The following AMBP variants were observed in gnomAD, a reference collection of about 807,000 sequenced individuals.
The protein encoded by AMBP is alpha-1-microglobulin/bikunin precursor, also known as protein AMBP.
In AMBP, 37 loss-of-function variants were observed where a neutral mutation model predicts 46.3. The observed-to-expected ratio is 0.80, with a 90% CI of 0.61 to 1.05. The LOEUF (loss-of-function observed/expected upper bound fraction) is 1.05, where lower values mean the gene tolerates loss of function less well. Among genes scored for constraint, AMBP ranks in the 50% least tolerant of loss-of-function variants. The probability of loss-of-function intolerance (pLI) is 0.00; values close to 1 mark genes in which losing one functional copy is unlikely to be tolerated. For synonymous variants in AMBP, 174 were observed against 175.9 expected (o/e 0.99, Z 0.09); for missense variants, 475 against 461.2 (o/e 1.03, Z -0.27).
chr9:114,075,083 T>C, intron 2 of AMBP, 47 bp from the exon 3 acceptor site: 1 of 1,520,158 alleles, frequency 6.6e-7, no homozygotes, highest in Non-Finnish European at 9.1e-7. Context: ...GTAGAGATCA[T>C]GGTCCTGACA....
chr9:114,062,568 C>G, intron 7 of AMBP, 109 bp downstream of exon 7: 1 of 1,131,464 alleles, frequency 8.8e-7, no homozygotes, highest in Non-Finnish European at 1.3e-6. Context: ...GCCCTTGAGT[C>G]TCTAACAGAT....
intron 8 of AMBP, 30 bp from the exon 9 acceptor site, chr9:114,061,128 A>C: frequency 3.7e-6 from 6 of 1,609,938 alleles, no homozygotes; most frequent in Non-Finnish European, 5.1e-6. Flanking sequence ...ATGGAACTTG[A>C]GAAACCCTTG....
rs546906283 is a variant in AMBP at position 114,074,301 on chromosome 9, A to C, written c.338-149T>G. The C allele has an allele frequency of 1.2e-5, 8 of 646,466 alleles. No individual in the cohort carries two copies. The South Asian group carries it at 1.3e-4, about 11-fold the overall frequency. 40.0% of individuals were successfully genotyped at this position (646,466 alleles called of 1,614,324 possible). A position where few individuals can be genotyped will look rare whatever the true frequency, so the allele number is the denominator to read the frequency against. The stretch of plus-strand genomic sequence containing the variant: ...CATATCTCCATTTATCAATTCATCC[A>C]TATTCAATCTCTCCCTATCCACCCA... On this transcript the variant is annotated intron_variant, in intron 3 of 9. Coordinates refer to ENST00000265132, the MANE Select transcript of AMBP (RefSeq NM_001633.4).
intron 9 of AMBP, among the ~76,000 whole-genome samples, chr9:114,060,503 A>G (rs1269562709): frequency 6.6e-6 from 1 of 152,122 alleles, no homozygotes; most frequent in African/African-American, 2.4e-5. Context: ...CTGGAATGCT[A>G]TTACTGTTAC....
At chr9:114,067,375 C>G (rs1262826891) in intron 6 of AMBP, among the ~76,000 whole-genome samples, 1 of 152,134 alleles carries the variant, frequency 6.6e-6, no homozygotes. Context: ...TTTGCTGGGA[C>G]TACAAGTGCC....
chr9:114,076,789 A>T, intron 1 of AMBP, 49 bp from the exon 2 acceptor site: 1 of 1,595,908 alleles, frequency 6.3e-7, no homozygotes, highest in Non-Finnish European at 8.6e-7. Context: ...CAGACCTCAA[A>T]GCAGACCTGG....
Position 114,075,034 on chromosome 9 carries a change from T to C in AMBP, c.263A>G (p.Lys88Arg). The C allele has an allele frequency of 6.2e-7, 1 of 1,613,906 alleles. No individual in the cohort carries two copies. Among genetic ancestry groups the C allele is most frequent in the Non-Finnish European group, 8.5e-7 (1 of 1,179,824 alleles). Reference sequence around the variant, plus strand: ...TCCAGACGTCTCCTCACAGACACCTTTCCTAGAAATGAACAAATCAAAAGG... The same window carrying C: ...TCCAGACGTCTCCTCACAGACACCTCTCCTAGAAATGAACAAATCAAAAGG... Reference protein sequence around the residue: ...EISMTSTRWRKGVCEETSGAY... With the variant: ...EISMTSTRWRRGVCEETSGAY... Residue 88 changes from lysine (K) to arginine (R), a missense_variant and splice_region_variant, in exon 3 of 10, where the codon AAA (lysine) becomes AGA (arginine). Lys to Arg is a conservative substitution (Grantham distance 26, BLOSUM62 2). Coordinates refer to ENST00000265132, the MANE Select transcript of AMBP (RefSeq NM_001633.4).
At chr9:114,066,306 G>C (rs1005481522) in intron 6 of AMBP, among the ~76,000 whole-genome samples, 3 of 152,002 alleles carry the variant, frequency 2.0e-5, no homozygotes, top group Admixed American at 6.5e-5. Flanking sequence ...CAGAACTCAA[G>C]AAACAGAAGG....
chr9:114,078,170 A>C lies in AMBP; in HGVS notation c.40T>G (p.Cys14Gly). The change falls in exon 1 of 10, where the codon TGC becomes GGC. Residue 14 changes from cysteine (C) to glycine (G), a missense_variant. Around this residue, in one of 3 missense-constraint regions of AMBP, gnomAD observed 179 missense variants for 167.4 expected, o/e 1.07. Coordinates refer to ENST00000265132, the MANE Select transcript of AMBP (RefSeq NM_001633.4). ...LGALLLLLSA[C>G]LAVSAGPVPT... is the part of the protein sequence containing the mutation. ...ACAGGGCCAGCGCTCACCGCCAGGC[A>C]GGCGCTCAGCAGCAAGAGCAGGGCC... 1 of 1,613,438 alleles carries C rather than the reference A, an allele frequency of 6.2e-7. No individual in the cohort carries two copies. The highest frequency in any genetic ancestry group is 8.5e-7 in the Non-Finnish European group (1 of 1,180,022).
chr9:114,062,516 C>CT (rs1334698179), intron 7 of AMBP, among the ~76,000 whole-genome samples, 161 bp downstream of exon 7: 1 of 152,238 alleles, frequency 6.6e-6, no homozygotes, highest in Non-Finnish European at 1.5e-5. Context: ...CCCACAACCC[C>CT]TGGCAGAGTG....
At position 114,064,705 on chromosome 9, in the gene AMBP, T is replaced by C. The variant is rs536617096; in HGVS notation, c.604-1947A>G. Among the ~76,000 whole-genome samples the C allele has an allele frequency of 2.1e-4, 32 of 151,032 alleles. No homozygotes were observed. The South Asian group carries it at 6.3e-3, about 30-fold the overall frequency. On this transcript the variant is annotated intron_variant, in intron 6 of 9. Transcript: ENST00000265132. ...TAAAAGCATAGCCCCAGCCCCCAAATTGTCATCAGTGTCACTCAAGGAAAG... is the reference window on the plus strand; with the variant it reads ...TAAAAGCATAGCCCCAGCCCCCAAACTGTCATCAGTGTCACTCAAGGAAAG...
intron 3 of AMBP, among the ~76,000 whole-genome samples, 152 bp downstream of exon 3, chr9:114,074,805 AAGG>A (rs1027767683): frequency 5.9e-5 from 9 of 151,702 alleles, no homozygotes; most frequent in African/African-American, 2.2e-4. Flanking sequence ...AGAGGAGGAG[AAGG>A]AGGAGGAGGA....
In AMBP at chr9:114,075,075, A is replaced by G. The variant is rs79644634; in HGVS notation, c.261-39T>C. ...AATCAAAAGGAAGGTCACTCCTGGT[A>G]GAGATCATGGTCCTGACACTCAACC... On this transcript the variant is annotated intron_variant, in intron 2 of 9. Coordinates refer to ENST00000265132, the MANE Select transcript of AMBP (RefSeq NM_001633.4). 9.4e-4 allele frequency: 1,482 copies of G among 1,570,138 alleles called. 5 individuals are homozygous for G. The highest frequency in any genetic ancestry group is 1.2e-3 in the Non-Finnish European group (1,404 of 1,140,324).
rs114059318 is a variant in AMBP at position 114,076,201 on chromosome 9, T to C, written c.260+397A>G. Among the ~76,000 whole-genome samples, 422 of 151,524 alleles carry C rather than the reference T, an allele frequency of 2.8e-3. 1 individual carries two copies. The highest frequency in any genetic ancestry group is 9.4e-3 in the African/African-American group (389 of 41,242). ...CAACCAGGAAAGAAAGGGAGGTGGC[T>C]TGGACCAGGATGGTGGCAGTGGAGA... On this transcript the variant is annotated intron_variant, in intron 2 of 9. Transcript: ENST00000265132.
rs1384692320 is a variant in AMBP at position 114,076,589 on chromosome 9, A to G, written c.260+9T>C. ...TCTCTCAGCTTTCCAGCCCCACCCTAGTGCTCACCGCCAACGAGTGCTGGT... is the reference window on the plus strand; with the variant it reads ...TCTCTCAGCTTTCCAGCCCCACCCTGGTGCTCACCGCCAACGAGTGCTGGT... On this transcript the variant is annotated intron_variant, in intron 2 of 9. Transcript: ENST00000265132. 1.9e-6 allele frequency: 3 copies of G among 1,612,910 alleles called. No homozygotes were observed. In the South Asian group the frequency reaches 3.3e-5, roughly 18 times the overall value.
At chr9:114,074,272 C>T (rs1156362949) in intron 3 of AMBP, 120 bp from the exon 4 acceptor site, 1 of 712,048 alleles carries the variant, frequency 1.4e-6, no homozygotes, top group Non-Finnish European at 2.5e-6. Context: ...CCACCCATGC[C>T]TTCCATATCT....
At chr9:114,069,077 T>TAC (rs1255454920) in intron 6 of AMBP, among the ~76,000 whole-genome samples, 1 of 151,910 alleles carries the variant, frequency 6.6e-6, no homozygotes, top group African/African-American at 2.4e-5. Flanking sequence ...CATATATATA[T>TAC]ACACACACAG....
chr9:114,061,047 A>C lies in AMBP; in HGVS notation c.905T>G (p.Leu302Arg). 3.7e-6 allele frequency: 6 copies of C among 1,614,208 alleles called. No homozygotes were observed. Among genetic ancestry groups the C allele is most frequent in the Non-Finnish European group, 5.1e-6 (6 of 1,180,030 alleles). The change falls in exon 9 of 10, where the codon CTC (leucine) becomes CGC (arginine). Residue 302 changes from leucine to arginine, a missense_variant. Leu to Arg is a moderately radical substitution (Grantham distance 102). This residue lies in a region of AMBP where 293 missense variants were observed against 276.9 expected (regional missense o/e 1.06). Coordinates refer to ENST00000265132, the MANE Select transcript of AMBP (RefSeq NM_001633.4). Reference protein sequence around the residue: ...VRGPCRAFIQLWAFDAVKGKC... With the variant: ...VRGPCRAFIQRWAFDAVKGKC... ...CCCCTTGACAGCATCAAATGCCCAGAGCTGGATGAAGGCTCGGCAGGGGCC... is the reference window on the plus strand; with the variant it reads ...CCCCTTGACAGCATCAAATGCCCAGCGCTGGATGAAGGCTCGGCAGGGGCC...
chr9:114,078,242 C>G lies in AMBP; in HGVS notation c.-33G>C. 1 of 1,593,144 alleles carries G rather than the reference C, an allele frequency of 6.3e-7. No homozygotes were observed. Among genetic ancestry groups the G allele is most frequent in the African/African-American group, 1.3e-5 (1 of 74,768 alleles). Reference sequence around the variant, plus strand: ...GGCTCCTCTGCCTTGGTATATCCCACAGGCTCGGTCTAGCAACAGAAGGGC... The same window carrying G: ...GGCTCCTCTGCCTTGGTATATCCCAGAGGCTCGGTCTAGCAACAGAAGGGC... On this transcript the variant is annotated 5_prime_UTR_variant, in exon 1 of 10. Coordinates refer to ENST00000265132, the MANE Select transcript of AMBP (RefSeq NM_001633.4).
Sources: gnomAD v4.1 joint callset for allele counts (sites outside exome capture counted in the v4.1 genomes callset) on GRCh38, gnomAD v4.1.1 for gene constraint, gnomAD v4.1.1 regional missense constraint, MANE v1.5 for transcripts, NCBI Gene and HGNC (gene_info 2026-07-23, HGNC 2026-07-21) for gene names.